The following HECW2 variants were observed in gnomAD, a reference collection of about 807,000 sequenced individuals.
HECW2 encodes HECT, C2 and WW domain containing E3 ubiquitin protein ligase 2.
In HECW2, 61 loss-of-function variants were observed where a neutral mutation model predicts 175.2. The observed-to-expected ratio is 0.35, with a 90% CI of 0.28 to 0.43. The LOEUF (loss-of-function observed/expected upper bound fraction) is 0.43, where lower values mean the gene tolerates loss of function less well. Ranked by LOEUF, HECW2 falls within the 20% of genes least tolerant of loss-of-function variation. The probability of loss-of-function intolerance (pLI) is 1.00; values close to 1 mark genes in which losing one functional copy is unlikely to be tolerated. For synonymous variants in HECW2, 671 were observed against 731.0 expected, an observed-to-expected ratio of 0.92 and a Z score of 1.32; for missense variants, 1,524 against 2,000.5, an observed-to-expected ratio of 0.76 and a Z score of 4.54.
At chr2:196,216,014 C>A in intron 27 of HECW2, 37 bp from the exon 28 acceptor site, 1 of 1,403,938 alleles carries the variant, frequency 7.1e-7, no homozygotes, top group South Asian at 1.2e-5. Context: ...AAGGTGAAGC[C>A]AGAGACCAAC....
intron 21 of HECW2, among the ~76,000 whole-genome samples, chr2:196,237,084 T>A (rs1056651256): frequency 6.6e-6 from 1 of 152,226 alleles, no homozygotes; most frequent in Non-Finnish European, 1.5e-5. Flanking sequence ...AATTACATCA[T>A]GTGCCTACCC....
At chr2:196,456,822 C>T (rs2125317274) in intron 1 of HECW2, among the ~76,000 whole-genome samples, 1 of 152,320 alleles carries the variant, frequency 6.6e-6, no homozygotes, top group South Asian at 2.1e-4. Context: ...TTCAACAAAA[C>T]TAGCCCACAG....
In HECW2 at chr2:196,228,221, G is replaced by A; in HGVS notation, c.3798C>T (p.Phe1266=). The change falls in exon 22 of 29, where the codon TTC becomes TTT. Residue 1266 remains phenylalanine (F), a synonymous_variant. Transcript: ENST00000644978. ...TAAAGAGTTCTCTGGATACCAGGAAGAAAAACTCTCTAGAAGGCCCACTGT... is the reference window on the plus strand; with the variant it reads ...TAAAGAGTTCTCTGGATACCAGGAAAAAAAACTCTCTAGAAGGCCCACTGT... The part of the protein sequence containing the change: ...LDYSGPSREF[F]FLVSRELFNP... 3 of 1,610,698 alleles carry A rather than the reference G, an allele frequency of 1.9e-6. No individual in the cohort carries two copies. Among genetic ancestry groups the A allele is most frequent in the Non-Finnish European group, 2.5e-6 (3 of 1,179,178 alleles).
chr2:196,387,877 C>T lies in HECW2; in HGVS notation c.293-44113G>A, dbSNP rs546231178. The stretch of plus-strand genomic sequence containing the variant: ...TTTGGGAATATCATTTAGCAACCTC[C>T]GTATTTCATTGAAGAGTAGCAGCAG... On this transcript the variant is annotated intron_variant, in intron 2 of 28. Coordinates refer to ENST00000644978, the MANE Select transcript of HECW2 (RefSeq NM_001348768.2). 2.6e-5 allele frequency among the ~76,000 whole-genome samples: 4 copies of T among 152,212 alleles called. No individual in the cohort carries two copies. In the East Asian group the frequency reaches 7.7e-4, roughly 29 times the overall value.
intron 21 of HECW2, among the ~76,000 whole-genome samples, chr2:196,229,395 C>T (rs1687967467): frequency 6.6e-6 from 1 of 152,138 alleles, no homozygotes; most frequent in Admixed American, 6.5e-5. Context: ...CATGTTGGCT[C>T]ATGCCTGTAA....
At chr2:196,296,811 GC>G (rs985402141) in intron 13 of HECW2, among the ~76,000 whole-genome samples, 26 of 152,220 alleles carry the variant, frequency 1.7e-4, no homozygotes, top group African/African-American at 6.3e-4. Context: ...AGTCCAAAGA[GC>G]CAAAAACACT....
At chr2:196,256,789 G>GA (rs751993574) in intron 18 of HECW2, among the ~76,000 whole-genome samples, 37 of 152,266 alleles carry the variant, frequency 2.4e-4, no homozygotes, top group South Asian at 1.4e-3. Flanking sequence ...AATACCACAG[G>GA]AGAGAGGCCA....
chr2:196,382,423 T>A (rs1694233889), intron 2 of HECW2, among the ~76,000 whole-genome samples: 1 of 151,778 alleles, frequency 6.6e-6, no homozygotes, highest in African/African-American at 2.4e-5. Flanking sequence ...TTGGGCCAAA[T>A]GACTATATTA....
At chr2:196,461,550 T>C (rs1376187768) in intron 1 of HECW2, among the ~76,000 whole-genome samples, 1 of 152,234 alleles carries the variant, frequency 6.6e-6, no homozygotes. Flanking sequence ...AGTCCATTTT[T>C]ACACTGCTAT....
intron 21 of HECW2, among the ~76,000 whole-genome samples, chr2:196,231,018 A>ATG (rs1688034630): frequency 7.6e-6 from 1 of 132,044 alleles, no homozygotes; most frequent in African/African-American, 2.8e-5. Context: ...CAGGAGAATC[A>ATG]CTTGAACCAG....
At chr2:196,585,633 G>A (rs1180703072) in intron 1 of HECW2, among the ~76,000 whole-genome samples, 1 of 152,006 alleles carries the variant, frequency 6.6e-6, no homozygotes, top group Non-Finnish European at 1.5e-5. Flanking sequence ...TCTAGCTCGT[G>A]TAGCTTAGAG....
At chr2:196,450,344 C>T (rs920470652) in intron 1 of HECW2, among the ~76,000 whole-genome samples, 5 of 152,080 alleles carry the variant, frequency 3.3e-5, no homozygotes, top group Admixed American at 3.3e-4. Flanking sequence ...GGGGTTACAG[C>T]ATTTTTTCTG....
chr2:196,591,338 T>C (rs1009719281), intron 1 of HECW2, among the ~76,000 whole-genome samples: 3 of 152,148 alleles, frequency 2.0e-5, no homozygotes, highest in Non-Finnish European at 4.4e-5. Flanking sequence ...CTAAAGTCTT[T>C]CCAGCCAGAA....
chr2:196,571,879 C>T (rs1690401725), intron 1 of HECW2, among the ~76,000 whole-genome samples: 1 of 152,020 alleles, frequency 6.6e-6, no homozygotes, highest in Non-Finnish European at 1.5e-5. Context: ...GTAGAAGCAA[C>T]CCAAGAATCC....
At chr2:196,235,154 G>C (rs1688197164) in intron 21 of HECW2, among the ~76,000 whole-genome samples, 1 of 148,508 alleles carries the variant, frequency 6.7e-6, no homozygotes, top group African/African-American at 2.5e-5. Flanking sequence ...CTGGAGTGCA[G>C]TGGTGTGATC....
chr2:196,293,310 C>T (rs552535884), intron 13 of HECW2, among the ~76,000 whole-genome samples: 1 of 152,308 alleles, frequency 6.6e-6, no homozygotes, highest in South Asian at 2.1e-4. Flanking sequence ...GTTCCATCCA[C>T]GTTCCTGCAA....
chr2:196,580,481 C>A (rs992864877), intron 1 of HECW2, among the ~76,000 whole-genome samples: 18 of 151,850 alleles, frequency 1.2e-4, no homozygotes, highest in Non-Finnish European at 4.4e-5. Flanking sequence ...TAAAACTCAA[C>A]AATAAAAAGA....
At chr2:196,240,622 T>A in intron 20 of HECW2, 60 bp from the exon 21 acceptor site, 1 of 1,377,502 alleles carries the variant, frequency 7.3e-7, no homozygotes, top group Non-Finnish European at 9.6e-7. Flanking sequence ...AAAGATAATT[T>A]ACTTATCTTT....
chr2:196,460,558 A>G (rs1055655186), intron 1 of HECW2, among the ~76,000 whole-genome samples: 3 of 149,828 alleles, frequency 2.0e-5, no homozygotes, highest in African/African-American at 7.3e-5. Flanking sequence ...ATTTCTGTCT[A>G]ATTTTTTGCT....
Sources: gnomAD v4.1 joint callset for allele counts (sites outside exome capture counted in the v4.1 genomes callset) on GRCh38, gnomAD v4.1.1 for gene constraint, MANE v1.5 for transcripts, NCBI Gene and HGNC (gene_info 2026-07-23, HGNC 2026-07-21) for gene names.